SPTLC2: variants seen among roughly 807,000 people sequenced by gnomAD.
SPTLC2 encodes the protein serine palmitoyltransferase long chain base subunit 2, also known as serine palmitoyltransferase 2.
In SPTLC2, 21 loss-of-function variants were observed where a neutral mutation model predicts 62.0. The observed-to-expected ratio is 0.34, with a 90% confidence interval of 0.24 to 0.49. The LOEUF (loss-of-function observed/expected upper bound fraction) is 0.49. SPTLC2 is among the 20% of genes least tolerant of loss of function. SPTLC2 has a pLI of 0.99. For synonymous variants in SPTLC2, 261 were observed against 261.8 expected, an observed-to-expected ratio of 1.00 and a Z score of 0.03; for missense variants, 511 against 713.0, an observed-to-expected ratio of 0.72 and a Z score of 3.23.
At position 77,608,919 on chromosome 14, in the gene SPTLC2, AAATAATAATAAT is replaced by A. The variant is rs56945046; in HGVS notation, c.132+7517_132+7528del. ...GGTGACAGATTGAGGCTCCATCTCA[AAATAATAATAAT>A]AATAATAATAATAATAATAATAATA... On this transcript the variant is annotated intron_variant, in intron 1 of 11. Transcript: ENST00000216484. Among the ~76,000 whole-genome samples, 754 of 134,594 alleles carry A rather than the reference AAATAATAATAAT, an allele frequency of 5.6e-3. 3 individuals are homozygous for A. Among genetic ancestry groups the A allele is most frequent in the Non-Finnish European group, 7.9e-3 (501 of 63,652 alleles). The allele number at this position is 134,594 out of a possible 152,430, so 88.3% of individuals were successfully genotyped here.
At chr14:77,571,391 T>C (rs141144030) in intron 4 of SPTLC2, among the ~76,000 whole-genome samples, 123 of 151,470 alleles carry the variant, frequency 8.1e-4, no homozygotes, top group African/African-American at 2.7e-3. Context: ...GTGCCTGTAA[T>C]CCCAGCTACT....
intron 4 of SPTLC2, 104 bp downstream of exon 4, chr14:77,576,663 G>A (rs1467810363): frequency 2.7e-6 from 4 of 1,497,004 alleles, no homozygotes; most frequent in Admixed American, 3.5e-5. Flanking sequence ...TAAATGACAT[G>A]ACAAAGTGTA....
chr14:77,585,340 G>A (rs1367384501), intron 2 of SPTLC2, among the ~76,000 whole-genome samples: 1 of 152,124 alleles, frequency 6.6e-6, no homozygotes, highest in Admixed American at 6.6e-5. Context: ...ACATAACAAT[G>A]CAGTGACAAA....
intron 6 of SPTLC2, among the ~76,000 whole-genome samples, chr14:77,558,622 T>G (rs1372369372): frequency 9.6e-6 from 1 of 103,784 alleles, no homozygotes; most frequent in African/African-American, 3.0e-5. Flanking sequence ...CCTCCAGTTT[T>G]TTTGTTTTTT....
chr14:77,525,545 C>A (rs1308999094), intron 9 of SPTLC2, among the ~76,000 whole-genome samples: 1 of 149,962 alleles, frequency 6.7e-6, no homozygotes, highest in Non-Finnish European at 1.5e-5. Flanking sequence ...AGCGAGACTG[C>A]GCCATTGCAC....
chr14:77,558,568 CAGG>C (rs1225328097), intron 6 of SPTLC2, among the ~76,000 whole-genome samples: 2 of 151,858 alleles, frequency 1.3e-5, no homozygotes, highest in Non-Finnish European at 1.5e-5. Context: ...AATCAAGATT[CAGG>C]AGATGTTCCC....
chr14:77,595,385 T>TAAA (rs2079840991), intron 2 of SPTLC2, among the ~76,000 whole-genome samples: 1 of 152,018 alleles, frequency 6.6e-6, no homozygotes, highest in Non-Finnish European at 1.5e-5. Flanking sequence ...GATAATAAAA[T>TAAA]AAAAAATGTT....
intron 11 of SPTLC2, among the ~76,000 whole-genome samples, chr14:77,514,643 T>C (rs991702772): frequency 9.9e-5 from 15 of 152,230 alleles, no homozygotes; most frequent in African/African-American, 3.6e-4. Flanking sequence ...AACAAAATTA[T>C]AGCTTTGAGA....
In SPTLC2 at chr14:77,616,438, C is replaced by G; in HGVS notation, c.132+10G>C. ...CGCCACCCCGGCCCCGCCGCGCGGGCCCCTCGTACCTGGCCGGCGGCGGCT... is the reference window on the plus strand; with the variant it reads ...CGCCACCCCGGCCCCGCCGCGCGGGGCCCTCGTACCTGGCCGGCGGCGGCT... On this transcript the variant is annotated intron_variant, in intron 1 of 11. Transcript: ENST00000216484. 7.0e-7 allele frequency: 1 copy of G among 1,437,354 alleles called. No individual in the cohort carries two copies. The highest frequency in any genetic ancestry group is 9.1e-7 in the Non-Finnish European group (1 of 1,097,290). 89.0% of individuals were successfully genotyped at this position (1,437,354 alleles called of 1,614,324 possible).
intron 9 of SPTLC2, among the ~76,000 whole-genome samples, chr14:77,537,286 TAAAA>T: frequency 6.8e-6 from 1 of 147,022 alleles, no homozygotes; most frequent in Admixed American, 6.8e-5. Context: ...GGGCAGAAGT[TAAAA>T]AAAAAAAAAA....
At position 77,508,698 on chromosome 14, in the gene SPTLC2, G is replaced by A. The variant is rs1055465127; in HGVS notation, c.*3586C>T. ...ACACACTAGAAAATTCAGCTAGGCT[G>A]AACTAGTTGAGAAATTTAGATGCAG... On this transcript the variant is annotated 3_prime_UTR_variant, in exon 12 of 12. Coordinates refer to ENST00000216484, the MANE Select transcript of SPTLC2 (RefSeq NM_004863.4). 1 of 152,166 alleles carries A rather than the reference G, an allele frequency of 6.6e-6. No individual in the cohort carries two copies. The highest frequency in any genetic ancestry group is 1.5e-5 in the Non-Finnish European group (1 of 68,032). The allele number at this position is 152,166 out of a possible 1,614,324, so 9.4% of individuals were successfully genotyped here.
At chr14:77,607,851 A>C (rs1307591622) in intron 1 of SPTLC2, among the ~76,000 whole-genome samples, 1 of 152,238 alleles carries the variant, frequency 6.6e-6, no homozygotes, top group African/African-American at 2.4e-5. Context: ...TACAGGAGGC[A>C]ATAAAGACAC....
chr14:77,571,053 C>G (rs1022052458), intron 4 of SPTLC2, among the ~76,000 whole-genome samples: 4 of 152,152 alleles, frequency 2.6e-5, no homozygotes, highest in Non-Finnish European at 2.9e-5. Flanking sequence ...GTTAAGACAT[C>G]TTGGATACCC....
At chr14:77,575,442 T>C (rs903943495) in intron 4 of SPTLC2, among the ~76,000 whole-genome samples, 11 of 152,176 alleles carry the variant, frequency 7.2e-5, no homozygotes, top group African/African-American at 2.4e-4. Flanking sequence ...GGGCTGACCT[T>C]AGCGACGCTT....
chr14:77,560,329 T>A (rs1298545116), intron 6 of SPTLC2, among the ~76,000 whole-genome samples: 1 of 152,206 alleles, frequency 6.6e-6, no homozygotes, highest in Non-Finnish European at 1.5e-5. Context: ...GGCTTATGCC[T>A]ATAATCCCAG....
chr14:77,546,778 C>T (rs2140013180), intron 9 of SPTLC2, among the ~76,000 whole-genome samples: 1 of 152,134 alleles, frequency 6.6e-6, no homozygotes, highest in East Asian at 1.9e-4. Context: ...TCTTGTTGCC[C>T]AGGTTGGAGT....
At position 77,511,100 on chromosome 14, in the gene SPTLC2, C is replaced by T. The variant is rs1035253009; in HGVS notation, c.*1184G>A. On this transcript the variant is annotated 3_prime_UTR_variant, in exon 12 of 12. Transcript: ENST00000216484. Reference sequence around the variant, plus strand: ...ATAAAAAATATGTAGACAGGCAGACCCTAGCCCCAGATGCCAGATTCAATT... The same window carrying T: ...ATAAAAAATATGTAGACAGGCAGACTCTAGCCCCAGATGCCAGATTCAATT... The T allele has an allele frequency of 6.6e-6, 1 of 152,004 alleles. No homozygotes were observed. Among genetic ancestry groups the T allele is most frequent in the Non-Finnish European group, 1.5e-5 (1 of 68,004 alleles). 9.4% of individuals were successfully genotyped at this position (152,004 alleles called of 1,614,324 possible).
intron 10 of SPTLC2, among the ~76,000 whole-genome samples, chr14:77,518,384 C>T (rs1566766809): frequency 6.6e-6 from 1 of 152,068 alleles, no homozygotes; most frequent in Non-Finnish European, 1.5e-5. Flanking sequence ...GTGTCCTTCA[C>T]AAAACTGAAA....
chr14:77,518,911 T>A (rs2079371943), intron 10 of SPTLC2, among the ~76,000 whole-genome samples: 1 of 152,254 alleles, frequency 6.6e-6, no homozygotes, highest in Admixed American at 6.5e-5. Context: ...AGCTGATTAC[T>A]CAGACCACAC....
Sources: gnomAD v4.1 joint callset for allele counts (sites outside exome capture counted in the v4.1 genomes callset) on GRCh38, gnomAD v4.1.1 for gene constraint, MANE v1.5 for transcripts, NCBI Gene and HGNC (gene_info 2026-07-23, HGNC 2026-07-21) for gene names.